CDC42BPA: variants seen among roughly 807,000 people sequenced by gnomAD.
The protein encoded by CDC42BPA is CDC42 binding protein kinase alpha, also known as serine/threonine-protein kinase MRCK alpha.
Under a neutral mutation model 223.5 loss-of-function variants are expected in CDC42BPA, and 80 were observed. The ratio of observed to expected loss-of-function variants is 0.36; its 90% CI spans 0.30 to 0.43. CDC42BPA has a LOEUF of 0.43. CDC42BPA is among the 20% of genes least tolerant of loss of function. The pLI, the probability that CDC42BPA is intolerant of heterozygous loss-of-function variation, is 1.00. For synonymous variants in CDC42BPA, 694 were observed against 718.6 expected (o/e 0.97, Z 0.55); for missense variants, 1,743 against 2,099.9 (o/e 0.83, Z 3.32).
At chr1:227,133,385 G>A (rs949101700) in intron 10 of CDC42BPA, among the ~76,000 whole-genome samples, 15 of 152,164 alleles carry the variant, frequency 9.9e-5, no homozygotes, top group African/African-American at 4.8e-5. Flanking sequence ...TCCGGGAGGT[G>A]AGGGGCGCTT....
At chr1:227,274,961 C>A (rs990147985) in intron 1 of CDC42BPA, among the ~76,000 whole-genome samples, 3 of 152,104 alleles carry the variant, frequency 2.0e-5, no homozygotes, top group Non-Finnish European at 4.4e-5. Flanking sequence ...AATTGGCAAA[C>A]TTGCCATTAA....
intron 2 of CDC42BPA, among the ~76,000 whole-genome samples, chr1:227,247,458 G>A (rs1418434714): frequency 6.6e-6 from 1 of 152,246 alleles, no homozygotes; most frequent in Non-Finnish European, 1.5e-5. Context: ...TCGTGCCACT[G>A]CACTCTAGCC....
chr1:227,248,818 A>C (rs966615447), intron 2 of CDC42BPA, among the ~76,000 whole-genome samples: 1 of 152,230 alleles, frequency 6.6e-6, no homozygotes, highest in Non-Finnish European at 1.5e-5. Context: ...TTCAATGTAC[A>C]TGGGTTAGAA....
chr1:227,284,966 A>C (rs545080917), intron 1 of CDC42BPA, among the ~76,000 whole-genome samples: 176 of 150,080 alleles, frequency 1.2e-3, no homozygotes, highest in African/African-American at 3.7e-3. Flanking sequence ...CCATCTCACA[A>C]AAAAAAAAAA....
intron 21 of CDC42BPA, among the ~76,000 whole-genome samples, chr1:227,063,100 C>T (rs1676268832): frequency 6.6e-6 from 1 of 151,990 alleles, no homozygotes; most frequent in South Asian, 2.1e-4. Flanking sequence ...TTTATGTTTT[C>T]AATATTGTTA....
At chr1:227,107,560 G>A (rs1214167041) in intron 14 of CDC42BPA, among the ~76,000 whole-genome samples, 1 of 152,134 alleles carries the variant, frequency 6.6e-6, no homozygotes, top group African/African-American at 2.4e-5. Context: ...TAGCTGGGAC[G>A]ACAGGTGCCT....
At chr1:227,314,714 T>G (rs1035753084) in intron 1 of CDC42BPA, among the ~76,000 whole-genome samples, 1 of 142,454 alleles carries the variant, frequency 7.0e-6, no homozygotes, top group African/African-American at 2.7e-5. Flanking sequence ...TGTAACAACT[T>G]GTGTTATTAA....
chr1:227,288,501 C>T (rs1198175115), intron 1 of CDC42BPA, among the ~76,000 whole-genome samples: 1 of 152,134 alleles, frequency 6.6e-6, no homozygotes, highest in Non-Finnish European at 1.5e-5. Flanking sequence ...GAGTTCAAGA[C>T]CAGCCTAGCC....
intron 11 of CDC42BPA, among the ~76,000 whole-genome samples, chr1:227,126,979 C>T (rs1363373374): frequency 6.6e-6 from 1 of 152,062 alleles, no homozygotes; most frequent in Non-Finnish European, 1.5e-5. Flanking sequence ...TAAAACTGTT[C>T]CCACCTGCAG....
intron 23 of CDC42BPA, among the ~76,000 whole-genome samples, chr1:227,043,305 C>G (rs1008004607): frequency 2.0e-5 from 3 of 151,240 alleles, no homozygotes; most frequent in African/African-American, 7.3e-5. Flanking sequence ...CCCAGCTACT[C>G]GGGAGGCTGA....
chr1:227,307,361 A>G (rs1692738994), intron 1 of CDC42BPA, among the ~76,000 whole-genome samples: 1 of 152,310 alleles, frequency 6.6e-6, no homozygotes, highest in African/African-American at 2.4e-5. Context: ...TTTATGTGTT[A>G]GAAGACTTTA....
intron 2 of CDC42BPA, chr1:227,235,150 A>T (rs1352777140): frequency 6.6e-6 from 1 of 152,172 alleles, no homozygotes; most frequent in Non-Finnish European, 1.5e-5. Context: ...CCAACATGAC[A>T]CCAAAGAAAT....
chr1:227,003,794 G>C (rs187185213), intron 35 of CDC42BPA, among the ~76,000 whole-genome samples: 1 of 152,048 alleles, frequency 6.6e-6, no homozygotes, highest in Non-Finnish European at 1.5e-5. Flanking sequence ...TGTAAAAAAA[G>C]AGATGCTGCA....
At chr1:227,102,779 A>G (rs1041285195) in intron 14 of CDC42BPA, among the ~76,000 whole-genome samples, 16 of 151,752 alleles carry the variant, frequency 1.1e-4, no homozygotes, top group African/African-American at 7.3e-5. Flanking sequence ...ATTTAATGTC[A>G]GCAAACTTAT....
chr1:227,293,988 T>TA (rs1170825033), intron 1 of CDC42BPA, among the ~76,000 whole-genome samples: 2 of 151,816 alleles, frequency 1.3e-5, no homozygotes, highest in Non-Finnish European at 2.9e-5. Context: ...AAAAAAATTT[T>TA]AGGCCAGGCA....
At chr1:227,216,878 A>G (rs1674953299) in intron 2 of CDC42BPA, among the ~76,000 whole-genome samples, 2 of 152,258 alleles carry the variant, frequency 1.3e-5, no homozygotes. Context: ...ACATGATGTT[A>G]GAAAACCTGT....
chr1:227,145,553 G>A lies in CDC42BPA; in HGVS notation c.1079C>T (p.Pro360Leu). 6.2e-7 allele frequency: 1 copy of A among 1,613,244 alleles called. No individual in the cohort carries two copies. The highest frequency in any genetic ancestry group is 8.5e-7 in the Non-Finnish European group (1 of 1,179,350). ...TGTATCTGTTGGGCTACTAACTTCTGGAATATAAGGTGCTTCACAGTTCCG... is the reference window on the plus strand; with the variant it reads ...TGTATCTGTTGGGCTACTAACTTCTAGAATATAAGGTGCTTCACAGTTCCG... Reference protein sequence around the residue: ...NIRNCEAPYIPEVSSPTDTSN... With the variant: ...NIRNCEAPYILEVSSPTDTSN... Residue 360 changes from proline to leucine, a missense_variant, in exon 8 of 37, where the codon CCA (proline) becomes CTA (leucine). Around this residue, in one of 6 missense-constraint regions of CDC42BPA, gnomAD observed 321 missense variants for 488.7 expected, o/e 0.66. Transcript: ENST00000366766.
Position 227,193,826 on chromosome 1 carries a change from T to A in CDC42BPA, c.559A>T (p.Ile187Leu), listed in dbSNP as rs759058165. 6.2e-7 allele frequency: 1 copy of A among 1,613,452 alleles called. No individual in the cohort carries two copies. Among genetic ancestry groups the A allele is most frequent in the South Asian group, 1.1e-5 (1 of 90,902 alleles). The change falls in exon 5 of 37, where the codon ATA becomes TTA. Residue 187 changes from isoleucine to leucine, a missense_variant. Around this residue, in one of 6 missense-constraint regions of CDC42BPA, gnomAD observed 321 missense variants for 488.7 expected, o/e 0.66. Coordinates refer to ENST00000366766, the MANE Select transcript of CDC42BPA (RefSeq NM_001394014.1). Reference sequence around the variant, plus strand: ...AGCTGATGAACTGAGTCAATTGCTATCACCATCTCAGCCAAGTAAAATCTA... The same window carrying A: ...AGCTGATGAACTGAGTCAATTGCTAACACCATCTCAGCCAAGTAAAATCTA... Reference protein sequence around the residue: ...MARFYLAEMVIAIDSVHQLHY... With the variant: ...MARFYLAEMVLAIDSVHQLHY...
At chr1:227,266,625 G>A (rs566593599) in intron 1 of CDC42BPA, among the ~76,000 whole-genome samples, 2 of 152,278 alleles carry the variant, frequency 1.3e-5, no homozygotes, top group South Asian at 4.1e-4. Context: ...TTTATCACTA[G>A]TTTATAACTT....
Sources: allele counts gnomAD v4.1 joint callset (sites outside exome capture counted in the v4.1 genomes callset), GRCh38; gene constraint gnomAD v4.1.1; regional missense constraint gnomAD v4.1.1; transcripts MANE v1.5; gene names NCBI Gene and HGNC (gene_info 2026-07-23, HGNC 2026-07-21).